Variants in MGAT4C observed in about 807,000 individuals in gnomAD.
MGAT4C encodes alpha-1,3-mannosyl-glycoprotein 4-beta-N-acetylglucosaminyltransferase C.
A neutral mutation model predicts 40.1 loss-of-function variants in MGAT4C; 19 were observed. That is an observed-to-expected ratio of 0.47 (90% CI 0.33 to 0.70). MGAT4C has a LOEUF of 0.70. Ranked by LOEUF, MGAT4C falls within the 30% of genes least tolerant of loss-of-function variation. The pLI, the probability that MGAT4C is intolerant of heterozygous loss-of-function variation, is 0.02. For missense variants in MGAT4C, 491 were observed against 563.2 expected, an observed-to-expected ratio of 0.87 and a Z score of 1.30; for synonymous variants, 181 against 187.1, an observed-to-expected ratio of 0.97 and a Z score of 0.27.
At chr12:85,999,581 GTGTATA>G (rs757185560) in intron 2 of MGAT4C, among the ~76,000 whole-genome samples, 422 of 116,796 alleles carry the variant, frequency 3.6e-3, no homozygotes, top group South Asian at 8.4e-3. Context: ...GTGTGTGTGT[GTGTATA>G]TATATATATA....
intron 1 of MGAT4C, among the ~76,000 whole-genome samples, chr12:86,182,126 C>T (rs377368273): frequency 6.6e-6 from 1 of 151,954 alleles, no homozygotes; most frequent in African/African-American, 2.4e-5. Context: ...CTTCCCCATC[C>T]TCTTGGACAT....
rs553313034 is a variant in MGAT4C, at chr12:85,964,786, A to G, written c.*14503T>C. On this transcript the variant is annotated 3_prime_UTR_variant, in exon 5 of 5. Transcript: ENST00000611864. ...TTCCTACAGAGTCTGCCATATGGAGAAGTAGAATGAGAGGCCACCTAGGTA... is the reference window on the plus strand; with the variant it reads ...TTCCTACAGAGTCTGCCATATGGAGGAGTAGAATGAGAGGCCACCTAGGTA... 2.0e-5 allele frequency: 3 copies of G among 152,172 alleles called. No homozygotes were observed. In the South Asian group the frequency reaches 6.2e-4, roughly 32 times the overall value. 9.4% of individuals were successfully genotyped at this position (152,172 alleles called of 1,614,324 possible). A position where few individuals can be genotyped will look rare whatever the true frequency, so the allele number is the denominator to read the frequency against.
chr12:86,597,656 A>G (rs1234392632), intron 2 of MGAT4C, among the ~76,000 whole-genome samples: 4 of 152,060 alleles, frequency 2.6e-5, no homozygotes, highest in African/African-American at 7.2e-5. Flanking sequence ...GGTTTGAACA[A>G]TCCCCACAGA....
intron 1 of MGAT4C, among the ~76,000 whole-genome samples, chr12:86,161,012 G>A (rs186369526): frequency 1.3e-5 from 2 of 151,950 alleles, no homozygotes; most frequent in East Asian, 3.9e-4. Context: ...GCAGAGTCAA[G>A]ACAAATAAAT....
At chr12:86,745,846 C>A (rs1464531405) in intron 1 of MGAT4C, among the ~76,000 whole-genome samples, 1 of 151,626 alleles carries the variant, frequency 6.6e-6, no homozygotes, top group African/African-American at 2.4e-5. Flanking sequence ...ATAAAGATTT[C>A]TTTCAGCTGT....
intron 2 of MGAT4C, among the ~76,000 whole-genome samples, chr12:86,021,380 C>T (rs1285973806): frequency 6.6e-6 from 1 of 151,900 alleles, no homozygotes; most frequent in Non-Finnish European, 1.5e-5. Context: ...AAATGTGGCA[C>T]ATATACACCA....
intron 3 of MGAT4C, among the ~76,000 whole-genome samples, chr12:86,343,277 TA>T (rs946325347): frequency 1.3e-5 from 2 of 152,186 alleles, no homozygotes; most frequent in African/African-American, 4.8e-5. Context: ...CTTTACATGT[TA>T]TTGAAAACAC....
intron 1 of MGAT4C, among the ~76,000 whole-genome samples, chr12:86,182,041 T>C (rs1888190823): frequency 6.6e-6 from 1 of 152,168 alleles, no homozygotes; most frequent in South Asian, 2.1e-4. Flanking sequence ...ATAACAATTA[T>C]ATATTAAAAT....
intron 1 of MGAT4C, among the ~76,000 whole-genome samples, chr12:86,817,221 G>C (rs1050359445): frequency 6.6e-6 from 1 of 150,980 alleles, no homozygotes; most frequent in African/African-American, 2.4e-5. Flanking sequence ...TTGTCATTCA[G>C]TTCTACATAT....
At chr12:86,794,065 C>T (rs554497066) in intron 1 of MGAT4C, among the ~76,000 whole-genome samples, 1 of 151,928 alleles carries the variant, frequency 6.6e-6, no homozygotes, top group Admixed American at 6.6e-5. Flanking sequence ...TACATTTTTA[C>T]AGATAAGTAA....
Position 86,530,430 on chromosome 12 carries a change from G to A in MGAT4C, c.-228-95165C>T, listed in dbSNP as rs145000807. On this transcript the variant is annotated intron_variant, in intron 2 of 7. Coordinates refer to the MGAT4C transcript ENST00000548651. Reference sequence around the variant, plus strand: ...TGCTAACCATTCTCCTTTCCTTAAAGATGAAGCAAAGACATATTATGTACT... The same window carrying A: ...TGCTAACCATTCTCCTTTCCTTAAAAATGAAGCAAAGACATATTATGTACT... 2.0e-4 allele frequency among the ~76,000 whole-genome samples: 31 copies of A among 151,918 alleles called. No homozygotes were observed. The East Asian group carries it at 6.0e-3, about 29-fold the overall frequency.
intron 1 of MGAT4C, among the ~76,000 whole-genome samples, chr12:86,803,780 G>T (rs1163043691): frequency 6.7e-6 from 1 of 149,594 alleles, no homozygotes; most frequent in African/African-American, 2.5e-5. Context: ...GTGCTGGAGA[G>T]GATGTGGAGA....
chr12:86,624,837 G>A (rs1028814160), intron 2 of MGAT4C, among the ~76,000 whole-genome samples: 1 of 151,844 alleles, frequency 6.6e-6, no homozygotes, highest in African/African-American at 2.4e-5. Context: ...ACAAATGTTG[G>A]GTTAATTTTT....
chr12:86,603,763 A>ACT (rs1565878507), intron 2 of MGAT4C, among the ~76,000 whole-genome samples: 1 of 119,778 alleles, frequency 8.3e-6, no homozygotes, highest in Non-Finnish European at 1.7e-5. Flanking sequence ...TATAATATAT[A>ACT]GTATAATTAT....
chr12:85,994,616 C>CA (rs1886396056), intron 2 of MGAT4C, among the ~76,000 whole-genome samples: 1 of 151,274 alleles, frequency 6.6e-6, no homozygotes. Context: ...TAAAAAAATC[C>CA]CCCCCCAGCC....
chr12:86,649,761 A>T lies in MGAT4C; in HGVS notation c.-229+77448T>A, dbSNP rs543580950. 6.6e-5 allele frequency among the ~76,000 whole-genome samples: 10 copies of T among 152,020 alleles called. No homozygotes were observed. In the South Asian group the frequency reaches 2.1e-3, roughly 31 times the overall value. ...ATTCTTTTAAAACTTTGAACCCAAA[A>T]TCCTGTAAAATATCAAGATCTTAAT... On this transcript the variant is annotated intron_variant, in intron 2 of 7. Coordinates refer to the MGAT4C transcript ENST00000548651.
chr12:86,138,596 TATATATTTCCATAG>T (rs1307609909), intron 1 of MGAT4C, among the ~76,000 whole-genome samples: 1 of 107,992 alleles, frequency 9.3e-6, no homozygotes, highest in Non-Finnish European at 1.9e-5. Flanking sequence ...TATTTCCATA[TATATATTTCCATAG>T]ATATATCATA....
intron 2 of MGAT4C, among the ~76,000 whole-genome samples, chr12:86,544,377 G>C (rs573922738): frequency 6.2e-4 from 95 of 152,128 alleles, no homozygotes; most frequent in Non-Finnish European, 1.2e-3. Flanking sequence ...AATTTGCAAA[G>C]CAATATATAT....
intron 3 of MGAT4C, among the ~76,000 whole-genome samples, chr12:86,339,857 C>G (rs1438536356): frequency 4.6e-5 from 7 of 152,132 alleles, no homozygotes; most frequent in African/African-American, 1.7e-4. Context: ...TCTGTTTAAT[C>G]TTTTCCAAAT....
Sources: allele counts gnomAD v4.1 joint callset (sites outside exome capture counted in the v4.1 genomes callset), GRCh38; gene constraint gnomAD v4.1.1; transcripts MANE v1.5; gene names NCBI Gene and HGNC (gene_info 2026-07-23, HGNC 2026-07-21).